Variants in SESN2 observed in about 807,000 individuals in gnomAD.
The protein encoded by SESN2 is sestrin 2, also known as sestrin-2.
SESN2 carries 42 observed loss-of-function variants against 56.0 expected under a neutral mutation model. The observed-to-expected ratio is 0.75, with a 90% CI of 0.59 to 0.97. The LOEUF (loss-of-function observed/expected upper bound fraction) is 0.97. SESN2 is among the 50% of genes least tolerant of loss of function. The pLI is 0.00. For missense variants in SESN2, 507 were observed against 649.4 expected (o/e 0.78, Z 2.38); for synonymous variants, 264 against 267.1 (o/e 0.99, Z 0.11).
chr1:28,262,875 C>T (rs113897927), intron 1 of SESN2, among the ~76,000 whole-genome samples: 5,223 of 152,240 alleles, frequency 0.034, 227 homozygotes, highest in African/African-American at 0.11. Context: ...TTGCAGTGAG[C>T]CGAGATCGCT....
chr1:28,272,805 GC>G lies in SESN2; in HGVS notation c.750+14del. ...TGAACAACTCTGGGGTAAGTCACGG[GC>G]CTGGGTCTTGATCGGGGAGGAAGCG... On this transcript the variant is annotated intron_variant, in intron 5 of 9. Transcript: ENST00000253063. The G allele has an allele frequency of 6.5e-7, 1 of 1,537,786 alleles. No homozygotes were observed. The highest frequency in any genetic ancestry group is 2.3e-5 in the East Asian group (1 of 44,142).
At chr1:28,268,177 C>G (rs1161851241) in intron 1 of SESN2, among the ~76,000 whole-genome samples, 1 of 151,850 alleles carries the variant, frequency 6.6e-6, no homozygotes, top group Non-Finnish European at 1.5e-5. Context: ...CTAAGGAGGC[C>G]GGGGGACAAC....
chr1:28,264,926 C>G (rs1269808954), intron 1 of SESN2, among the ~76,000 whole-genome samples: 1 of 152,154 alleles, frequency 6.6e-6, no homozygotes, highest in African/African-American at 2.4e-5. Flanking sequence ...ATGCAGCAGC[C>G]TGGAGACTAT....
chr1:28,275,306 C>T (rs1216795634), intron 8 of SESN2, among the ~76,000 whole-genome samples: 2 of 151,918 alleles, frequency 1.3e-5, no homozygotes, highest in Non-Finnish European at 2.9e-5. Flanking sequence ...TACACACACA[C>T]ACACACACAC....
At chr1:28,273,612 C>T in intron 6 of SESN2, 104 bp downstream of exon 6, 1 of 1,160,604 alleles carries the variant, frequency 8.6e-7, no homozygotes, top group Non-Finnish European at 1.2e-6. Flanking sequence ...ACTTCTCAAC[C>T]TCCCGTCCAA....
intron 1 of SESN2, among the ~76,000 whole-genome samples, chr1:28,262,360 C>T (rs1480340549): frequency 2.6e-5 from 4 of 152,074 alleles, no homozygotes; most frequent in South Asian, 2.1e-4. Context: ...ATAACTTTCT[C>T]GGCCAGATGC....
intron 1 of SESN2, among the ~76,000 whole-genome samples, chr1:28,261,590 G>T (rs555516957): frequency 1.3e-5 from 2 of 152,234 alleles, no homozygotes; most frequent in South Asian, 4.1e-4. Flanking sequence ...GCCATGGCAC[G>T]CACAGCTTTC....
intron 8 of SESN2, among the ~76,000 whole-genome samples, chr1:28,275,853 A>G (rs1227671117): frequency 6.6e-6 from 1 of 152,156 alleles, no homozygotes; most frequent in African/African-American, 2.4e-5. Context: ...CAGGAGTTCA[A>G]GACGAGCTTG....
intron 1 of SESN2, among the ~76,000 whole-genome samples, chr1:28,264,272 TCAC>T (rs1300843351): frequency 6.6e-6 from 1 of 151,208 alleles, no homozygotes; most frequent in Non-Finnish European, 1.5e-5. Flanking sequence ...TGAGCCAAGA[TCAC>T]GCAACTGCAC....
chr1:28,259,790 G>A lies in SESN2; in HGVS notation c.-58G>A. Reference sequence around the variant, plus strand: ...CCCGGCTTCATTCGGGCGTCCCTCCGAAACCCACTCGGGTGCACGGGTCGT... The same window carrying A: ...CCCGGCTTCATTCGGGCGTCCCTCCAAAACCCACTCGGGTGCACGGGTCGT... On this transcript the variant is annotated 5_prime_UTR_variant, in exon 1 of 10. Transcript: ENST00000253063. The A allele has an allele frequency of 1.5e-6, 2 of 1,300,446 alleles. No individual in the cohort carries two copies. Among genetic ancestry groups the A allele is most frequent in the Non-Finnish European group, 2.0e-6 (2 of 1,005,076 alleles). 80.6% of individuals were successfully genotyped at this position (1,300,446 alleles called of 1,614,324 possible). A position where few individuals can be genotyped will look rare whatever the true frequency, so the allele number is the denominator to read the frequency against.
rs1647298361 is a variant in SESN2 at position 28,259,617 on chromosome 1, C to T, written c.-231C>T. ...GCCGTGAAAACCCCTGCGCTGCGGCCCTTCCCAGGCCCCCGAGGCCGTTCG... is the reference window on the plus strand; with the variant it reads ...GCCGTGAAAACCCCTGCGCTGCGGCTCTTCCCAGGCCCCCGAGGCCGTTCG... On this transcript the variant is annotated 5_prime_UTR_variant, in exon 1 of 10. Coordinates refer to ENST00000253063, the MANE Select transcript of SESN2 (RefSeq NM_031459.5). 3 of 431,852 alleles carry T rather than the reference C, an allele frequency of 6.9e-6. No individual in the cohort carries two copies. The South Asian group carries it at 1.5e-4, about 22-fold the overall frequency. The allele number at this position is 431,852 out of a possible 1,614,324, so 26.8% of individuals were successfully genotyped here.
At chr1:28,279,468 T>TG (rs1385050110) in intron 9 of SESN2, among the ~76,000 whole-genome samples, 3 of 152,200 alleles carry the variant, frequency 2.0e-5, no homozygotes, top group African/African-American at 7.2e-5. Context: ...AGTGGTAGCT[T>TG]GGTGGACCTG....
At chr1:28,270,129 A>G (rs1055784669) in intron 2 of SESN2, among the ~76,000 whole-genome samples, 38 of 152,164 alleles carry the variant, frequency 2.5e-4, no homozygotes, top group African/African-American at 8.4e-4. Flanking sequence ...AGGCGGGCGG[A>G]TCACGAGGTC....
At chr1:28,264,043 A>G (rs1304775981) in intron 1 of SESN2, among the ~76,000 whole-genome samples, 8 of 148,614 alleles carry the variant, frequency 5.4e-5, no homozygotes. Context: ...TTGGCAACAC[A>G]GTGAGACCTC....
At position 28,275,026 on chromosome 1, in the gene SESN2, ATCCCT is replaced by A; in HGVS notation, c.1211+14_1211+18del. On this transcript the variant is annotated intron_variant, in intron 8 of 9. Transcript: ENST00000253063. ...CGTCTTTGGCATCAGGTGAGCTCAT[ATCCCT>A]TCATTTGGGGCATGTGTGCACTGTA... is the stretch of plus-strand genomic sequence containing the variant. The A allele has an allele frequency of 6.3e-7, 1 of 1,598,342 alleles. No individual in the cohort carries two copies. The highest frequency in any genetic ancestry group is 8.6e-7 in the Non-Finnish European group (1 of 1,167,654).
chr1:28,272,356 CCT>C lies in SESN2; in HGVS notation c.428_429del (p.Pro143ArgfsTer76). The C allele has an allele frequency of 6.2e-7, 1 of 1,614,062 alleles. No homozygotes were observed. The highest frequency in any genetic ancestry group is 8.5e-7 in the Non-Finnish European group (1 of 1,180,034). On this transcript the variant is annotated frameshift_variant, in exon 4 of 10. Coordinates refer to ENST00000253063, the MANE Select transcript of SESN2 (RefSeq NM_031459.5). LOFTEE classifies it high-confidence loss of function. ...CGAGTTTCTGCAGACTGGTGGTGAC[CCT>C]GAGTGGCTGCTGGGCCTCCACCGGG... ...MAEFLQTGGD[P>X]EWLLGLHRAP...
chr1:28,278,911 T>C (rs1159997265), intron 8 of SESN2, among the ~76,000 whole-genome samples, 186 bp from the exon 9 acceptor site: 1 of 152,262 alleles, frequency 6.6e-6, no homozygotes, highest in Non-Finnish European at 1.5e-5. Context: ...CGTGGTCCCC[T>C]GCCAATGTGG....
chr1:28,262,710 C>T (rs1647420239), intron 1 of SESN2, among the ~76,000 whole-genome samples: 1 of 150,438 alleles, frequency 6.6e-6, no homozygotes. Flanking sequence ...AGGTGGATCA[C>T]AAGGTCAGGA....
chr1:28,261,905 C>T (rs1349764507), intron 1 of SESN2, among the ~76,000 whole-genome samples: 1 of 151,800 alleles, frequency 6.6e-6, no homozygotes, highest in Admixed American at 6.6e-5. Context: ...CTCAGCCTCC[C>T]TAGTAGTTGG....
Sources: gnomAD v4.1 joint callset for allele counts (sites outside exome capture counted in the v4.1 genomes callset) on GRCh38, gnomAD v4.1.1 for gene constraint, MANE v1.5 for transcripts, NCBI Gene and HGNC (gene_info 2026-07-23, HGNC 2026-07-21) for gene names.